KCNIP4: variants seen among roughly 807,000 people sequenced by gnomAD.
The protein encoded by KCNIP4 is Kv channel-interacting protein 4.
In KCNIP4, 12 loss-of-function variants were observed where a neutral mutation model predicts 34.0. That is an observed-to-expected ratio of 0.35 (90% CI 0.23 to 0.57). KCNIP4 has a LOEUF of 0.57. Ranked by LOEUF, KCNIP4 falls within the 20% of genes least tolerant of loss-of-function variation. The probability of loss-of-function intolerance (pLI) is 0.83; values close to 1 mark genes in which losing one functional copy is unlikely to be tolerated. For missense variants in KCNIP4, 238 were observed against 311.7 expected (o/e 0.76, Z 1.78); for synonymous variants, 124 against 102.2 (o/e 1.21, Z -1.29).
At chr4:21,654,342 A>G (rs1476414410) in intron 1 of KCNIP4, among the ~76,000 whole-genome samples, 1 of 152,200 alleles carries the variant, frequency 6.6e-6, no homozygotes, top group Non-Finnish European at 1.5e-5. Flanking sequence ...GTGCAAGGGC[A>G]TTTAGTCAAG....
intron 3 of KCNIP4, among the ~76,000 whole-genome samples, chr4:20,831,776 A>G (rs1465944512): frequency 6.6e-6 from 1 of 152,222 alleles, no homozygotes; most frequent in Non-Finnish European, 1.5e-5. Flanking sequence ...AAACATTGTT[A>G]GCATTTGCTT....
rs55704216 is a variant in KCNIP4, at chr4:21,935,962, T to TTATATATA, written c.61+12601_61+12608dup. On this transcript the variant is annotated intron_variant, in intron 1 of 8. Transcript: ENST00000382152. ...CAAATATACCCAAAAGAAATGAAGA[T>TTATATATA]TATATATATATATATATGCGCACAT... 7.7e-3 allele frequency among the ~76,000 whole-genome samples: 1,139 copies of TTATATATA among 148,018 alleles called. 8 individuals are homozygous for TTATATATA. The highest frequency in any genetic ancestry group is 0.023 in the African/African-American group (911 of 40,484).
chr4:21,252,137 T>TG (rs1156837470), intron 1 of KCNIP4, among the ~76,000 whole-genome samples: 7 of 150,158 alleles, frequency 4.7e-5, no homozygotes, highest in Non-Finnish European at 8.9e-5. Flanking sequence ...TTGTTTTTTT[T>TG]TTTTTTTTTG....
At chr4:21,691,074 C>A (rs1358047747) in intron 1 of KCNIP4, among the ~76,000 whole-genome samples, 1 of 152,138 alleles carries the variant, frequency 6.6e-6, no homozygotes, top group Non-Finnish European at 1.5e-5. Context: ...AGCAACATGA[C>A]CACTGTGAGT....
chr4:20,862,872 A>G (rs914811146), intron 2 of KCNIP4, among the ~76,000 whole-genome samples: 3 of 152,202 alleles, frequency 2.0e-5, no homozygotes, highest in African/African-American at 7.2e-5. Flanking sequence ...CCAGGAACAG[A>G]CAACCAAATA....
chr4:21,697,516 C>A, intron 1 of KCNIP4: 1 of 1,475,980 alleles, frequency 6.8e-7, no homozygotes, highest in Non-Finnish European at 8.9e-7. Flanking sequence ...AAAAGAGAGT[C>A]TCTGAGGAGA....
chr4:21,230,669 A>G (rs934984802), intron 1 of KCNIP4, among the ~76,000 whole-genome samples: 1 of 152,116 alleles, frequency 6.6e-6, no homozygotes, highest in Non-Finnish European at 1.5e-5. Context: ...CTCCAGCTCC[A>G]TCCATGTCCC....
chr4:21,223,333 A>G (rs189416183), intron 1 of KCNIP4, among the ~76,000 whole-genome samples: 10 of 152,344 alleles, frequency 6.6e-5, no homozygotes, highest in African/African-American at 2.4e-4. Context: ...CAAAGATTCT[A>G]CCCTGGAGTC....
intron 1 of KCNIP4, among the ~76,000 whole-genome samples, chr4:21,060,750 G>A (rs1023309518): frequency 1.3e-5 from 2 of 152,192 alleles, no homozygotes. Context: ...GATTGCTGAA[G>A]CAATAGCTGG....
chr4:20,759,724 G>A (rs1754793674), intron 3 of KCNIP4, among the ~76,000 whole-genome samples: 1 of 152,190 alleles, frequency 6.6e-6, no homozygotes, highest in East Asian at 1.9e-4. Flanking sequence ...CAAGCAAATT[G>A]TCCCCCAATC....
At chr4:21,699,938 G>T (rs1712700852) in intron 1 of KCNIP4, among the ~76,000 whole-genome samples, 1 of 152,218 alleles carries the variant, frequency 6.6e-6, no homozygotes, top group Middle Eastern at 3.4e-3. Flanking sequence ...TGGTGGCATG[G>T]CCTGGAGTGG....
intron 1 of KCNIP4, among the ~76,000 whole-genome samples, chr4:21,688,274 AG>A (rs1750964970): frequency 6.6e-6 from 1 of 152,204 alleles, no homozygotes; most frequent in Admixed American, 6.5e-5. Context: ...GGACACTCAA[AG>A]AAAATGCTCA....
At chr4:21,170,845 A>C (rs555404927) in intron 1 of KCNIP4, among the ~76,000 whole-genome samples, 1 of 150,884 alleles carries the variant, frequency 6.6e-6, no homozygotes, top group Non-Finnish European at 1.5e-5. Flanking sequence ...ATAGATATGG[A>C]AGTTTGATTT....
chr4:21,108,900 C>A (rs1464945185), intron 1 of KCNIP4, among the ~76,000 whole-genome samples: 2 of 152,232 alleles, frequency 1.3e-5, no homozygotes, highest in Non-Finnish European at 2.9e-5. Flanking sequence ...GCAGTGGTGG[C>A]TGCAGAACAG....
At chr4:20,756,712 C>T (rs926719830) in intron 4 of KCNIP4, among the ~76,000 whole-genome samples, 3 of 152,030 alleles carry the variant, frequency 2.0e-5, no homozygotes, top group Non-Finnish European at 2.9e-5. Context: ...CAATGACTCC[C>T]ATGTTGCCAC....
At chr4:20,891,781 A>G (rs527471501) in intron 1 of KCNIP4, among the ~76,000 whole-genome samples, 1 of 152,214 alleles carries the variant, frequency 6.6e-6, no homozygotes, top group East Asian at 1.9e-4. Flanking sequence ...TTTGGGCAAA[A>G]GTAATTGTGA....
At chr4:21,808,901 A>G (rs1721459178) in intron 1 of KCNIP4, among the ~76,000 whole-genome samples, 1 of 151,928 alleles carries the variant, frequency 6.6e-6, no homozygotes, top group African/African-American at 2.4e-5. Context: ...CTGAGAAGAA[A>G]CTCTCCAAGA....
At chr4:21,606,767 T>A (rs1743719103) in intron 1 of KCNIP4, among the ~76,000 whole-genome samples, 1 of 152,112 alleles carries the variant, frequency 6.6e-6, no homozygotes, top group Admixed American at 6.5e-5. Context: ...CTAATTTTTG[T>A]ATTTTTAGTA....
At chr4:21,329,704 TGA>T (rs1335064260) in intron 1 of KCNIP4, among the ~76,000 whole-genome samples, 7 of 152,134 alleles carry the variant, frequency 4.6e-5, no homozygotes, top group African/African-American at 1.4e-4. Context: ...TCTTGAAGAA[TGA>T]GAGTTTCCCA....
Sources: gnomAD v4.1 joint callset for allele counts (sites outside exome capture counted in the v4.1 genomes callset) on GRCh38, gnomAD v4.1.1 for gene constraint, MANE v1.5 for transcripts, NCBI Gene and HGNC (gene_info 2026-07-23, HGNC 2026-07-21) for gene names.